Variants in STRN3 observed in about 807,000 individuals in gnomAD.
STRN3 encodes striatin 3.
A neutral mutation model predicts 95.6 loss-of-function variants in STRN3; 29 were observed. That is an observed-to-expected ratio of 0.30 (90% CI 0.23 to 0.41). The LOEUF is 0.41. Ranked by LOEUF, STRN3 falls within the 10% of genes least tolerant of loss-of-function variation. STRN3 has a pLI of 1.00. For missense variants in STRN3, 890 were observed against 972.1 expected (o/e 0.92, Z 1.12); for synonymous variants, 331 against 357.6 (o/e 0.93, Z 0.84).
intron 1 of STRN3, among the ~76,000 whole-genome samples, chr14:31,005,608 A>G (rs1882677438): frequency 6.6e-6 from 1 of 152,186 alleles, no homozygotes; most frequent in Non-Finnish European, 1.5e-5. Flanking sequence ...ACTAATGGAG[A>G]TGTAAGAGAG....
chr14:30,955,289 ATACT>A (rs1879845480), intron 3 of STRN3, among the ~76,000 whole-genome samples: 1 of 152,224 alleles, frequency 6.6e-6, no homozygotes, highest in African/African-American at 2.4e-5. Context: ...CAAGTTCTAC[ATACT>A]TAATATTGAA....
intron 8 of STRN3, among the ~76,000 whole-genome samples, chr14:30,920,559 T>A (rs1896853820): frequency 6.6e-6 from 1 of 152,122 alleles, no homozygotes; most frequent in African/African-American, 2.4e-5. Flanking sequence ...ACATCTTAAT[T>A]CTTCTTCAAC....
rs1594417663 is a variant in STRN3, at chr14:30,907,057, C to A, written c.1721-13G>T. 6.3e-7 allele frequency: 1 copy of A among 1,589,550 alleles called. No homozygotes were observed. Among genetic ancestry groups the A allele is most frequent in the South Asian group, 1.2e-5 (1 of 85,940 alleles). On this transcript the variant is annotated splice_polypyrimidine_tract_variant and intron_variant, in intron 13 of 17. Coordinates refer to ENST00000357479, the MANE Select transcript of STRN3 (RefSeq NM_001083893.2). ...AGAACATTTGGCTCTGGGGAAAAAACAAACAAACAAAAAATTAGGTAAAAG... is the reference window on the plus strand; with the variant it reads ...AGAACATTTGGCTCTGGGGAAAAAAAAAACAAACAAAAAATTAGGTAAAAG...
intron 4 of STRN3, 82 bp downstream of exon 4, chr14:30,950,781 A>AT: frequency 1.5e-6 from 2 of 1,305,258 alleles, no homozygotes; most frequent in Non-Finnish European, 2.2e-6. Flanking sequence ...TCCCAATATG[A>AT]TTTTTTACTT....
chr14:30,910,574 CTTTT>C (rs540290515), intron 13 of STRN3, among the ~76,000 whole-genome samples: 2 of 145,604 alleles, frequency 1.4e-5, no homozygotes, highest in East Asian at 2.0e-4. Context: ...GGTTTCCTTT[CTTTT>C]TTTTTTTCTT....
chr14:31,019,149 A>T (rs865868944), intron 1 of STRN3, among the ~76,000 whole-genome samples: 1 of 149,608 alleles, frequency 6.7e-6, no homozygotes, highest in African/African-American at 2.5e-5. Context: ...TGTCTCTACT[A>T]AAAAAAAAAT....
At chr14:30,977,707 C>T (rs1009500882) in intron 1 of STRN3, among the ~76,000 whole-genome samples, 9 of 147,104 alleles carry the variant, frequency 6.1e-5, no homozygotes, top group African/African-American at 2.3e-4. Flanking sequence ...GCAGGAGAAT[C>T]GCTTGAACCC....
chr14:30,982,301 G>A (rs1326381337), intron 1 of STRN3, among the ~76,000 whole-genome samples: 1 of 151,936 alleles, frequency 6.6e-6, no homozygotes, highest in Admixed American at 6.6e-5. Flanking sequence ...AAGCATAATA[G>A]AGATACTCAA....
intron 16 of STRN3, among the ~76,000 whole-genome samples, chr14:30,896,664 A>G (rs575695305): frequency 6.6e-6 from 1 of 152,320 alleles, no homozygotes; most frequent in East Asian, 1.9e-4. Flanking sequence ...CAATAAATAA[A>G]TCACCAGAAA....
intron 1 of STRN3, among the ~76,000 whole-genome samples, chr14:31,002,165 T>TAA (rs1882486500): frequency 1.6e-4 from 2 of 12,880 alleles, no homozygotes; most frequent in Non-Finnish European, 3.2e-4. Flanking sequence ...AAATTCCATC[T>TAA]CAAAAAAAAA....
At position 30,971,034 on chromosome 14, in the gene STRN3, C is replaced by A. The variant is rs191256425; in HGVS notation, c.283-14792G>T. Among the ~76,000 whole-genome samples the A allele has an allele frequency of 6.0e-4, 92 of 152,378 alleles. 1 individual carries two copies. Among genetic ancestry groups the A allele is most frequent in the Admixed American group, 2.7e-3 (42 of 15,312 alleles). On this transcript the variant is annotated intron_variant, in intron 1 of 17. Transcript: ENST00000357479. ...TGCGGGTCAGCCCCCGAGGGCCATC[C>A]AGCCTCCATCTCCCAACACTAAGTT...
chr14:30,937,183 G>A (rs762097454), intron 5 of STRN3, among the ~76,000 whole-genome samples: 2 of 152,094 alleles, frequency 1.3e-5, no homozygotes, highest in Non-Finnish European at 2.9e-5. Flanking sequence ...GTATGGTGGT[G>A]TGTGCCTATA....
intron 1 of STRN3, among the ~76,000 whole-genome samples, chr14:31,013,501 T>TA (rs534948174): frequency 5.5e-4 from 83 of 151,112 alleles, no homozygotes; most frequent in Non-Finnish European, 9.3e-4. Context: ...ACACACAGAC[T>TA]AAAAAAAAAG....
chr14:31,023,390 A>T (rs1345214365), intron 1 of STRN3, among the ~76,000 whole-genome samples: 1 of 152,212 alleles, frequency 6.6e-6, no homozygotes, highest in East Asian at 1.9e-4. Flanking sequence ...CAAGTTTCTA[A>T]GACAGACCTT....
chr14:31,017,558 C>G (rs1048429298), intron 1 of STRN3, among the ~76,000 whole-genome samples: 1 of 151,570 alleles, frequency 6.6e-6, no homozygotes. Context: ...GCATAAGTTA[C>G]AAACTCATTG....
chr14:30,899,255 A>T (rs1896239960), intron 16 of STRN3, among the ~76,000 whole-genome samples: 1 of 152,222 alleles, frequency 6.6e-6, no homozygotes, highest in Non-Finnish European at 1.5e-5. Flanking sequence ...TTCCAGAATC[A>T]CTCACTACCT....
chr14:31,010,836 C>T (rs968242039), intron 1 of STRN3, among the ~76,000 whole-genome samples: 10 of 152,092 alleles, frequency 6.6e-5, no homozygotes, highest in Non-Finnish European at 1.5e-4. Context: ...GTCAGGAGTT[C>T]GAGACCAGCC....
At chr14:30,974,685 T>A (rs1287887928) in intron 1 of STRN3, among the ~76,000 whole-genome samples, 1 of 151,046 alleles carries the variant, frequency 6.6e-6, no homozygotes, top group Non-Finnish European at 1.5e-5. Context: ...ACGCCTGTAG[T>A]CTCAGCTACT....
At chr14:30,897,462 G>A (rs1412827824) in intron 16 of STRN3, among the ~76,000 whole-genome samples, 2 of 152,134 alleles carry the variant, frequency 1.3e-5, no homozygotes, top group African/African-American at 2.4e-5. Flanking sequence ...GTTAGCACCT[G>A]TAATCCCAGC....
Sources: gnomAD v4.1 joint callset for allele counts (sites outside exome capture counted in the v4.1 genomes callset) on GRCh38, gnomAD v4.1.1 for gene constraint, MANE v1.5 for transcripts, NCBI Gene and HGNC (gene_info 2026-07-23, HGNC 2026-07-21) for gene names.